The following GALNT13 variants were observed in gnomAD, a reference collection of about 807,000 sequenced individuals.
GALNT13 encodes the protein UDP-GalNAc:polypeptide N-acetylgalactosaminyltransferase 13.
Under a neutral mutation model 64.2 loss-of-function variants are expected in GALNT13, and 28 were observed. The observed-to-expected ratio is 0.44, with a 90% CI of 0.32 to 0.60. The LOEUF (loss-of-function observed/expected upper bound fraction) is 0.60, where lower values mean the gene tolerates loss of function less well. Ranked by LOEUF, GALNT13 falls within the 20% of genes least tolerant of loss-of-function variation. The pLI, the probability that GALNT13 is intolerant of heterozygous loss-of-function variation, is 0.05. For missense variants in GALNT13, 577 were observed against 669.8 expected (o/e 0.86, Z 1.53); for synonymous variants, 214 against 224.6 (o/e 0.95, Z 0.42).
chr2:153,209,795 G>A, the GALNT13 span, among the ~76,000 whole-genome samples: 1 of 152,050 alleles, frequency 6.6e-6, no homozygotes, highest in African/African-American at 2.4e-5. Context: ...ATATTCTGAT[G>A]TTTGAGAACA....
At chr2:154,349,130 C>CATGCTTACTG (rs1244054581) in intron 9 of GALNT13, among the ~76,000 whole-genome samples, 1 of 152,082 alleles carries the variant, frequency 6.6e-6, no homozygotes, top group Non-Finnish European at 1.5e-5. Flanking sequence ...CACAAATGTC[C>CATGCTTACTG]ACATGAGCAA....
Position 154,404,695 on chromosome 2 carries a change from C to G in GALNT13, c.1297-4289C>G, listed in dbSNP as rs757747844. Among the ~76,000 whole-genome samples the G allele has an allele frequency of 1.6e-4, 24 of 152,120 alleles. 1 individual carries two copies. The highest frequency in any genetic ancestry group is 2.6e-4 in the Admixed American group (4 of 15,266). On this transcript the variant is annotated intron_variant, in intron 10 of 12. Transcript: ENST00000392825. ...GTCTGCAGTCTGTGAATTCTTGAAA[C>G]TCACTAGCTGAAGCTCCTTCTCAGA... is the stretch of plus-strand genomic sequence containing the variant.
the GALNT13 span, chr2:153,421,928 C>T: frequency 5.4e-3 from 994 of 183,426 alleles, 10 homozygotes; most frequent in African/African-American, 0.022. Flanking sequence ...ACATCAGCCT[C>T]GCCAAGGTGG....
the GALNT13 span, among the ~76,000 whole-genome samples, chr2:153,699,891 C>T: frequency 2.0e-5 from 3 of 152,174 alleles, no homozygotes; most frequent in Admixed American, 2.0e-4. Context: ...GATCGATTCA[C>T]AGCCGAATTC....
the GALNT13 span, among the ~76,000 whole-genome samples, chr2:153,206,042 C>T: frequency 6.6e-6 from 1 of 151,790 alleles, no homozygotes; most frequent in East Asian, 1.9e-4. Flanking sequence ...GCTGGGAGTG[C>T]CATTGACTAG....
intron 4 of GALNT13, among the ~76,000 whole-genome samples, chr2:154,227,481 TC>T (rs1446863021): frequency 2.9e-5 from 2 of 67,982 alleles, no homozygotes; most frequent in South Asian, 6.8e-4. Context: ...CCCTCCCCCC[TC>T]CCCCCACCCC....
At chr2:153,862,360 A>G in the GALNT13 span, among the ~76,000 whole-genome samples, 1,824 of 46,582 alleles carry the variant, frequency 0.039, 76 homozygotes, top group East Asian at 0.17. Context: ...TTTCAATTCT[A>G]TTTCTTTATA....
the GALNT13 span, among the ~76,000 whole-genome samples, chr2:153,100,647 A>T: frequency 1.3e-5 from 2 of 152,150 alleles, no homozygotes; most frequent in African/African-American, 2.4e-5. Context: ...TTAAATATTT[A>T]TGTAAGTATA....
the GALNT13 span, among the ~76,000 whole-genome samples, chr2:153,813,936 T>C: frequency 3.3e-5 from 5 of 152,210 alleles, no homozygotes; most frequent in Admixed American, 3.3e-4. Flanking sequence ...GCTTTATACC[T>C]GGCACTTTGG....
chr2:154,202,999 T>A (rs1355940388), intron 4 of GALNT13, among the ~76,000 whole-genome samples: 1 of 152,140 alleles, frequency 6.6e-6, no homozygotes, highest in African/African-American at 2.4e-5. Context: ...CTGGAAGCCG[T>A]TAATCTAGAT....
In GALNT13 at chr2:153,944,431, G is replaced by A. The variant is rs1275519700; in HGVS notation, c.-67G>A. ...TGCTTTCATCTTGGAGTTCACCTGT[G>A]TGGCTTGGATTTATCACAGTAGCAT... On this transcript the variant is annotated 5_prime_UTR_variant, in exon 3 of 13. In the 5' UTR this introduces an upstream ATG that the reference lacks. Coordinates refer to ENST00000392825, the MANE Select transcript of GALNT13 (RefSeq NM_052917.4). The A allele has an allele frequency of 4.1e-6, 6 of 1,458,134 alleles. No homozygotes were observed. Among genetic ancestry groups the A allele is most frequent in the Non-Finnish European group, 4.7e-6 (5 of 1,057,758 alleles). The allele number at this position is 1,458,134 out of a possible 1,614,324, so 90.3% of individuals were successfully genotyped here.
At chr2:153,438,882 G>A in the GALNT13 span, among the ~76,000 whole-genome samples, 2 of 152,182 alleles carry the variant, frequency 1.3e-5, no homozygotes, top group Admixed American at 6.5e-5. Context: ...TTCCTTTGGA[G>A]GGGGAGAGGC....
chr2:153,945,104 T>C (rs1173644588), intron 3 of GALNT13, among the ~76,000 whole-genome samples: 2 of 152,194 alleles, frequency 1.3e-5, no homozygotes, highest in African/African-American at 4.8e-5. Flanking sequence ...AACCAATTTT[T>C]AAAACAAAAC....
intron 3 of GALNT13, among the ~76,000 whole-genome samples, chr2:154,018,932 T>G (rs533359289): frequency 6.8e-6 from 1 of 148,116 alleles, no homozygotes; most frequent in African/African-American, 2.5e-5. Flanking sequence ...ACAGGAGAGA[T>G]GAAGGGAGGG....
At chr2:154,328,017 T>C (rs1307527996) in intron 9 of GALNT13, among the ~76,000 whole-genome samples, 4 of 152,152 alleles carry the variant, frequency 2.6e-5, no homozygotes, top group African/African-American at 9.6e-5. Flanking sequence ...AAAAGGAGCA[T>C]AGTATATAGC....
At chr2:153,327,599 G>A in the GALNT13 span, among the ~76,000 whole-genome samples, 1 of 151,612 alleles carries the variant, frequency 6.6e-6, no homozygotes, top group East Asian at 2.0e-4. Context: ...ATTGATACTT[G>A]TGTATGCTTC....
At chr2:153,831,551 C>T in the GALNT13 span, among the ~76,000 whole-genome samples, 2 of 152,268 alleles carry the variant, frequency 1.3e-5, no homozygotes, top group African/African-American at 2.4e-5. Context: ...CAGAATCAGC[C>T]TCATCACGCC....
At chr2:154,259,805 G>A (rs12471344) in intron 8 of GALNT13, among the ~76,000 whole-genome samples, 6,318 of 152,192 alleles carry the variant, frequency 0.042, 445 homozygotes, top group Admixed American at 0.2. Flanking sequence ...CACTAACATA[G>A]TGGTTTTGTT....
intron 3 of GALNT13, among the ~76,000 whole-genome samples, chr2:153,975,577 A>G (rs779405188): frequency 7.2e-5 from 11 of 152,090 alleles, no homozygotes; most frequent in Non-Finnish European, 1.5e-4. Context: ...ACTTCAACAC[A>G]TATTTGTTAA....
Sources: gnomAD v4.1 joint callset for allele counts (sites outside exome capture counted in the v4.1 genomes callset) on GRCh38, gnomAD v4.1.1 for gene constraint, MANE v1.5 for transcripts, NCBI Gene and HGNC (gene_info 2026-07-23, HGNC 2026-07-21) for gene names.